ADGRG6: variants seen among roughly 807,000 people sequenced by gnomAD.
The protein encoded by ADGRG6 is adhesion G protein-coupled receptor G6.
Under a neutral mutation model 142.4 loss-of-function variants are expected in ADGRG6, and 84 were observed. The ratio of observed to expected loss-of-function variants is 0.59; its 90% CI spans 0.49 to 0.71. The LOEUF is 0.71. ADGRG6 is among the 30% of genes least tolerant of loss of function. The probability of loss-of-function intolerance (pLI) is 0.00; values close to 1 mark genes in which losing one functional copy is unlikely to be tolerated. For missense variants in ADGRG6, 1,367 were observed against 1,466.6 expected (o/e 0.93, Z 1.11); for synonymous variants, 521 against 520.5 (o/e 1.00, Z -0.01).
chr6:142,359,235 C>G (rs368314668), intron 2 of ADGRG6, among the ~76,000 whole-genome samples: 1 of 132,516 alleles, frequency 7.5e-6, no homozygotes, highest in Non-Finnish European at 1.6e-5. Context: ...AAGTGCTAAA[C>G]AAAAATCCAG....
chr6:142,396,528 C>G lies in ADGRG6; in HGVS notation c.1425-1085C>G, dbSNP rs563993173. Among the ~76,000 whole-genome samples the G allele has an allele frequency of 3.3e-5, 5 of 152,218 alleles. No homozygotes were observed. The East Asian group carries it at 9.7e-4, about 29-fold the overall frequency. ...TATTCCTTCTTATTTTTTAACACCA[C>G]AAATAAATTACTACTATAATACTTA... On this transcript the variant is annotated intron_variant, in intron 9 of 24. Coordinates refer to ENST00000367609, the MANE Select transcript of ADGRG6 (RefSeq NM_198569.3).
At chr6:142,396,611 A>G (rs949132500) in intron 9 of ADGRG6, among the ~76,000 whole-genome samples, 4 of 152,156 alleles carry the variant, frequency 2.6e-5, no homozygotes, top group Admixed American at 6.5e-5. Flanking sequence ...ACATTCCATA[A>G]CTAGTTTAAA....
At chr6:142,433,162 GA>G (rs1215607446) in intron 22 of ADGRG6, among the ~76,000 whole-genome samples, 1 of 152,110 alleles carries the variant, frequency 6.6e-6, no homozygotes, top group Non-Finnish European at 1.5e-5. Context: ...TGGAAATTCT[GA>G]CCCCGTTAAG....
intron 5 of ADGRG6, among the ~76,000 whole-genome samples, chr6:142,382,465 A>G (rs1781816891): frequency 6.6e-6 from 1 of 152,200 alleles, no homozygotes; most frequent in African/African-American, 2.4e-5. Context: ...TGATGACAAG[A>G]TAACTTAAAT....
chr6:142,366,645 C>T (rs1453707268), intron 2 of ADGRG6, among the ~76,000 whole-genome samples: 2 of 151,698 alleles, frequency 1.3e-5, no homozygotes, highest in Non-Finnish European at 2.9e-5. Context: ...ATCCTAGCTA[C>T]TCGGGAGGCT....
chr6:142,347,423 G>C (rs959606191), intron 2 of ADGRG6, among the ~76,000 whole-genome samples: 1 of 152,160 alleles, frequency 6.6e-6, no homozygotes, highest in African/African-American at 2.4e-5. Flanking sequence ...AGAGGAACCG[G>C]AAGAGTAGAT....
intron 22 of ADGRG6, among the ~76,000 whole-genome samples, chr6:142,425,005 A>G (rs1297770112): frequency 6.6e-6 from 1 of 152,180 alleles, no homozygotes; most frequent in Non-Finnish European, 1.5e-5. Flanking sequence ...AATTTGCTAT[A>G]GTTGATGATT....
At chr6:142,385,734 C>G (rs1186296231) in intron 6 of ADGRG6, among the ~76,000 whole-genome samples, 1 of 151,970 alleles carries the variant, frequency 6.6e-6, no homozygotes, top group Non-Finnish European at 1.5e-5. Flanking sequence ...GTATTAGAGA[C>G]AGACTATATT....
intron 19 of ADGRG6, 105 bp downstream of exon 19, chr6:142,415,201 A>C: frequency 3.1e-6 from 2 of 649,334 alleles, no homozygotes; most frequent in Non-Finnish European, 4.8e-6. Flanking sequence ...GGGTGGTTGA[A>C]CGTTAATGTT....
At chr6:142,314,553 C>G (rs1777930466) in intron 2 of ADGRG6, among the ~76,000 whole-genome samples, 1 of 152,124 alleles carries the variant, frequency 6.6e-6, no homozygotes, top group Non-Finnish European at 1.5e-5. Flanking sequence ...AGGTGGGCTG[C>G]GACTGTGAAC....
At chr6:142,387,891 T>G (rs1782109348) in intron 6 of ADGRG6, among the ~76,000 whole-genome samples, 1 of 152,224 alleles carries the variant, frequency 6.6e-6, no homozygotes, top group South Asian at 2.1e-4. Context: ...CCAATTAATG[T>G]CTATAATAAA....
rs532767605 is a variant in ADGRG6, at chr6:142,432,184, G to A, written c.3320-5250G>A. 5.2e-4 allele frequency among the ~76,000 whole-genome samples: 79 copies of A among 152,258 alleles called. 1 individual carries two copies. The highest frequency in any genetic ancestry group is 1.9e-3 in the African/African-American group (78 of 41,560). ...CTACTGCTCCTTCCTGAAGTGTTCA[G>A]AATTTCTTTCCATATTGCTTGTGTG... On this transcript the variant is annotated intron_variant, in intron 22 of 24. Coordinates refer to ENST00000367609, the MANE Select transcript of ADGRG6 (RefSeq NM_198569.3).
intron 2 of ADGRG6, among the ~76,000 whole-genome samples, chr6:142,352,972 T>C (rs974252158): frequency 2.0e-5 from 3 of 152,142 alleles, no homozygotes; most frequent in Admixed American, 1.3e-4. Flanking sequence ...CTCCTTTCTC[T>C]CTCTCCACCA....
At chr6:142,425,855 G>A (rs9373346) in intron 22 of ADGRG6, among the ~76,000 whole-genome samples, 70,559 of 152,046 alleles carry the variant, frequency 0.46, 21,132 homozygotes, top group African/African-American at 0.86. Context: ...TCTTATGTAG[G>A]TGGCGGTAGG....
chr6:142,401,406 C>A (rs992777692), intron 11 of ADGRG6, among the ~76,000 whole-genome samples: 1 of 152,150 alleles, frequency 6.6e-6, no homozygotes, highest in South Asian at 2.1e-4. Context: ...TCAGATTTTA[C>A]CTGTAAAGTT....
intron 24 of ADGRG6, chr6:142,440,848 G>T: frequency 1.2e-6 from 1 of 829,714 alleles, no homozygotes; most frequent in Non-Finnish European, 1.9e-6. Flanking sequence ...ATATCATCAT[G>T]GATATCTAGC....
chr6:142,391,099 T>C lies in ADGRG6; in HGVS notation c.1308+756T>C, dbSNP rs140751488. Among the ~76,000 whole-genome samples the C allele has an allele frequency of 1.5e-3, 222 of 151,950 alleles. 2 individuals are homozygous for C. Among genetic ancestry groups the C allele is most frequent in the African/African-American group, 5.0e-3 (209 of 41,560 alleles). ...AACCAGTATCCTATTGGTAAACATT[T>C]TGTAGTTTTCAATTTAAAAAATTTA... On this transcript the variant is annotated intron_variant, in intron 7 of 24. Coordinates refer to ENST00000367609, the MANE Select transcript of ADGRG6 (RefSeq NM_198569.3).
In ADGRG6 at chr6:142,446,221, G is replaced by A. The variant is rs976720739; in HGVS notation, c.*2706G>A. 2 of 152,558 alleles carry A rather than the reference G, an allele frequency of 1.3e-5. No homozygotes were observed. The highest frequency in any genetic ancestry group is 2.9e-5 in the Non-Finnish European group (2 of 67,998). The allele number at this position is 152,558 out of a possible 1,614,324, so 9.5% of individuals were successfully genotyped here. A position where few individuals can be genotyped will look rare whatever the true frequency, so the allele number is the denominator to read the frequency against. ...TTGCCATTTTACTTAAATGGAAAAT[G>A]TTTTTCAAATAAATACTTATGTTGT... On this transcript the variant is annotated 3_prime_UTR_variant, in exon 25 of 25. Transcript: ENST00000367609.
At position 142,327,579 on chromosome 6, in the gene ADGRG6, C is replaced by T. The variant is rs900577839; in HGVS notation, c.103+17935C>T. The stretch of plus-strand genomic sequence containing the variant: ...TAGCACCAGAACTCTTCTACCTGCA[C>T]CTGATGGCTTCTTACCTGTCATCAT... On this transcript the variant is annotated intron_variant, in intron 2 of 24. Coordinates refer to ENST00000367609, the MANE Select transcript of ADGRG6 (RefSeq NM_198569.3). Among the ~76,000 whole-genome samples the T allele has an allele frequency of 3.3e-5, 5 of 152,084 alleles. No individual in the cohort carries two copies. In the East Asian group the frequency reaches 7.7e-4, roughly 23 times the overall value.
Sources: gnomAD v4.1 joint callset for allele counts (sites outside exome capture counted in the v4.1 genomes callset) on GRCh38, gnomAD v4.1.1 for gene constraint, MANE v1.5 for transcripts, NCBI Gene and HGNC (gene_info 2026-07-23, HGNC 2026-07-21) for gene names.